Variants in MLLT3 observed in about 807,000 individuals in gnomAD.
MLLT3 encodes protein AF-9.
In MLLT3, 4 loss-of-function variants were observed where a neutral mutation model predicts 53.2. That is an observed-to-expected ratio of 0.08 (90% confidence interval 0.04 to 0.17). MLLT3 has a LOEUF of 0.17. MLLT3 is among the 10% of genes least tolerant of loss of function. MLLT3 has a pLI of 1.00. For missense variants in MLLT3, 569 were observed against 684.0 expected (o/e 0.83, Z 1.87); for synonymous variants, 283 against 230.6 (o/e 1.23, Z -2.06).
At chr9:20,533,052 G>A in intron 2 of MLLT3, 1 of 259,016 alleles carries the variant, frequency 3.9e-6, no homozygotes, top group Non-Finnish European at 7.5e-6. Context: ...CATTGAGCTG[G>A]CTGTCTTCCT....
intron 2 of MLLT3, among the ~76,000 whole-genome samples, chr9:20,602,275 C>T (rs1024558761): frequency 6.6e-6 from 1 of 152,006 alleles, no homozygotes; most frequent in African/African-American, 2.4e-5. Flanking sequence ...AATAACTTAT[C>T]CCATGGGAAC....
chr9:20,366,963 T>C (rs954192249), intron 5 of MLLT3, among the ~76,000 whole-genome samples: 1 of 152,250 alleles, frequency 6.6e-6, no homozygotes, highest in East Asian at 1.9e-4. Flanking sequence ...AATCACACTA[T>C]GAGCCAGTTA....
chr9:20,376,232 A>G (rs965198689), intron 5 of MLLT3, among the ~76,000 whole-genome samples: 4 of 152,200 alleles, frequency 2.6e-5, no homozygotes, highest in African/African-American at 9.6e-5. Context: ...AGAAGACTCT[A>G]CATCTCTTTT....
intron 2 of MLLT3, among the ~76,000 whole-genome samples, chr9:20,567,085 G>C (rs1175180745): frequency 2.7e-5 from 4 of 149,072 alleles, no homozygotes; most frequent in African/African-American, 4.9e-5. Flanking sequence ...AAGTGGGTCT[G>C]AATTGTGTTT....
chr9:20,482,160 G>T (rs901620328), intron 2 of MLLT3, among the ~76,000 whole-genome samples: 1 of 152,136 alleles, frequency 6.6e-6, no homozygotes, highest in African/African-American at 2.4e-5. Flanking sequence ...AAAAATTATA[G>T]GAGGCCATAG....
chr9:20,585,948 T>C (rs1161335413), intron 2 of MLLT3, among the ~76,000 whole-genome samples: 1 of 152,206 alleles, frequency 6.6e-6, no homozygotes, highest in Non-Finnish European at 1.5e-5. Context: ...TCTTACTGGA[T>C]GGATTGGTTA....
chr9:20,372,643 C>T (rs979781609), intron 5 of MLLT3, among the ~76,000 whole-genome samples: 17 of 144,268 alleles, frequency 1.2e-4, no homozygotes, highest in Admixed American at 4.3e-4. Flanking sequence ...CTCCTGACCT[C>T]GTGATCCACC....
intron 5 of MLLT3, among the ~76,000 whole-genome samples, chr9:20,380,651 T>C (rs1022309157): frequency 2.0e-5 from 3 of 152,010 alleles, no homozygotes; most frequent in Non-Finnish European, 4.4e-5. Flanking sequence ...AGGCTGCTTA[T>C]TACCTTTTAT....
chr9:20,544,133 T>C (rs1818721757), intron 2 of MLLT3, among the ~76,000 whole-genome samples: 1 of 152,176 alleles, frequency 6.6e-6, no homozygotes, highest in African/African-American at 2.4e-5. Flanking sequence ...CAAATGGTGC[T>C]GAGAAAACTG....
At chr9:20,423,987 T>C (rs544723227) in intron 4 of MLLT3, among the ~76,000 whole-genome samples, 2 of 152,214 alleles carry the variant, frequency 1.3e-5, no homozygotes, top group African/African-American at 4.8e-5. Flanking sequence ...AATTTTAAAA[T>C]ACAGTATAAC....
At chr9:20,473,600 T>C (rs1468195058) in intron 2 of MLLT3, among the ~76,000 whole-genome samples, 1 of 152,072 alleles carries the variant, frequency 6.6e-6, no homozygotes, top group East Asian at 1.9e-4. Flanking sequence ...TTTCATTGGT[T>C]GGTAAAGAAT....
intron 7 of MLLT3, 106 bp downstream of exon 7, chr9:20,363,370 T>A: frequency 7.5e-7 from 1 of 1,334,738 alleles, no homozygotes; most frequent in Non-Finnish European, 1.0e-6. Flanking sequence ...TGTGACCATC[T>A]ACTGCCGTTT....
intron 5 of MLLT3, among the ~76,000 whole-genome samples, chr9:20,399,774 T>G (rs1822409943): frequency 6.6e-6 from 1 of 152,116 alleles, no homozygotes; most frequent in Non-Finnish European, 1.5e-5. Context: ...AAATATAATT[T>G]GAGGCATGTG....
chr9:20,470,303 A>G (rs1204375850), intron 2 of MLLT3, among the ~76,000 whole-genome samples: 1 of 152,050 alleles, frequency 6.6e-6, no homozygotes, highest in Non-Finnish European at 1.5e-5. Flanking sequence ...GGGAGGCATT[A>G]TAATCCCATC....
rs769037689 is a variant in MLLT3 at position 20,457,238 on chromosome 9, C to CTTT, written c.194-455_194-453dup. On this transcript the variant is annotated intron_variant, in intron 2 of 10. Transcript: ENST00000380338. ...GTCTGAGATGTCCTGACAAGGACAT[C>CTTT]TTTTTTTTTTTTTTTTTTTTTTTTT... Among the ~76,000 whole-genome samples the CTTT allele has an allele frequency of 4.6e-4, 29 of 63,732 alleles. 1 individual carries two copies. The highest frequency in any genetic ancestry group is 6.5e-4 in the African/African-American group (11 of 16,894). 41.8% of individuals were successfully genotyped at this position (63,732 alleles called of 152,430 possible).
At chr9:20,564,836 TG>T (rs1201393347) in intron 2 of MLLT3, among the ~76,000 whole-genome samples, 2 of 151,512 alleles carry the variant, frequency 1.3e-5, no homozygotes, top group Admixed American at 1.3e-4. Context: ...TGAACCAATG[TG>T]AAAACCTCCA....
At chr9:20,475,314 A>G (rs1824492828) in intron 2 of MLLT3, among the ~76,000 whole-genome samples, 1 of 151,958 alleles carries the variant, frequency 6.6e-6, no homozygotes, top group South Asian at 2.1e-4. Flanking sequence ...TCAATAATTC[A>G]CCTAAAAAGA....
intron 6 of MLLT3, among the ~76,000 whole-genome samples, chr9:20,364,910 T>C (rs759954498): frequency 2.6e-5 from 4 of 152,234 alleles, no homozygotes; most frequent in Non-Finnish European, 5.9e-5. Context: ...TAGTTAAATA[T>C]TCTAGTTTAA....
At chr9:20,393,229 G>A (rs549909449) in intron 5 of MLLT3, among the ~76,000 whole-genome samples, 29 of 152,222 alleles carry the variant, frequency 1.9e-4, no homozygotes, top group African/African-American at 7.0e-4. Context: ...AAGAAATTAG[G>A]ATTGTTAGGT....
Sources: gnomAD v4.1 joint callset for allele counts (sites outside exome capture counted in the v4.1 genomes callset) on GRCh38, gnomAD v4.1.1 for gene constraint, MANE v1.5 for transcripts, NCBI Gene and HGNC (gene_info 2026-07-23, HGNC 2026-07-21) for gene names.